Variants in DNHD1 observed in about 807,000 individuals in gnomAD.
DNHD1 encodes the protein dynein heavy chain domain 1.
Under a neutral mutation model 458.1 loss-of-function variants are expected in DNHD1, and 383 were observed. The ratio of observed to expected loss-of-function variants is 0.84; its 90% confidence interval spans 0.77 to 0.91. DNHD1 has a LOEUF of 0.91. DNHD1 is among the 40% of genes least tolerant of loss of function. DNHD1 has a pLI of 0.00. For synonymous variants in DNHD1, 2,203 were observed against 2,376.9 expected, an observed-to-expected ratio of 0.93 and a Z score of 2.13; for missense variants, 5,336 against 5,866.1, an observed-to-expected ratio of 0.91 and a Z score of 2.95.
intron 17 of DNHD1, among the ~76,000 whole-genome samples, 160 bp downstream of exon 17, chr11:6,539,473 G>A (rs1853043501): frequency 6.6e-6 from 1 of 152,206 alleles, no homozygotes; most frequent in Non-Finnish European, 1.5e-5. Context: ...TCCAGATGGG[G>A]ATCTCTTGTG....
In DNHD1 at chr11:6,571,728, A is replaced by T; in HGVS notation, c.14004A>T (p.Gly4668=). The part of the protein sequence containing the change: ...VLHAEWDPIA[G]ALQDSPSSQP... ...ATGCGGAGTGGGACCCAATAGCTGGAGCCTTGCAGGACAGTCCTTCCAGCC... is the reference window on the plus strand; with the variant it reads ...ATGCGGAGTGGGACCCAATAGCTGGTGCCTTGCAGGACAGTCCTTCCAGCC... The change falls in exon 43 of 43, where the codon GGA becomes GGT. Residue 4668 remains glycine, a synonymous_variant. Transcript: ENST00000254579. This position sits in a 1 kb window ranked among gnomAD's most constrained non-coding sequence, Gnocchi z 5.0. 2 of 1,612,822 alleles carry T rather than the reference A, an allele frequency of 1.2e-6. No homozygotes were observed. Among genetic ancestry groups the T allele is most frequent in the Non-Finnish European group, 1.7e-6 (2 of 1,179,406 alleles).
rs781759442 is a variant in DNHD1 at position 6,568,796 on chromosome 11, C to T, written c.12793C>T (p.Leu4265Phe). The T allele has an allele frequency of 3.7e-6, 6 of 1,613,430 alleles. No homozygotes were observed. In the African/African-American group the frequency reaches 6.7e-5, roughly 18 times the overall value. ...MQPPTQALPL[L>F]LLHGLLLHRQ... Reference sequence around the variant, plus strand: ...ACCCCCCACCCAGGCACTACCTCTGCTCCTCCTCCATGGCCTCCTGCTACA... The same window carrying T: ...ACCCCCCACCCAGGCACTACCTCTGTTCCTCCTCCATGGCCTCCTGCTACA... The change falls in exon 39 of 43, where the codon CTC becomes TTC. Residue 4265 changes from leucine to phenylalanine, a missense_variant. Physicochemically the swap from Leu to Phe is conservative, Grantham distance 22 (BLOSUM62 0). This residue lies in a region of DNHD1 where 698 missense variants were observed against 664.9 expected (regional missense o/e 1.05). Coordinates refer to ENST00000254579, the MANE Select transcript of DNHD1 (RefSeq NM_144666.3).
chr11:6,511,465 C>T (rs1372178617), intron 7 of DNHD1, 36 bp downstream of exon 7: 1 of 1,604,690 alleles, frequency 6.2e-7, no homozygotes, highest in Non-Finnish European at 8.5e-7. Context: ...ACCTCTTCCC[C>T]AAGTTGAGCT....
At chr11:6,536,693 G>T (rs1852958564) in intron 14 of DNHD1, among the ~76,000 whole-genome samples, 1 of 152,138 alleles carries the variant, frequency 6.6e-6, no homozygotes. Flanking sequence ...GTTTTAAAAT[G>T]CATGGAAATT....
Position 6,567,778 on chromosome 11 carries a change from T to A in DNHD1, c.12269T>A (p.Ile4090Asn). 6.2e-7 allele frequency: 1 copy of A among 1,613,954 alleles called. No individual in the cohort carries two copies. Among genetic ancestry groups the A allele is most frequent in the Non-Finnish European group, 8.5e-7 (1 of 1,179,892 alleles). Reference sequence around the variant, plus strand: ...AGTCAGGCTACTCAGCCCATGCTGATCTTGTTGCCACCGCCTGGCCACCCC... The same window carrying A: ...AGTCAGGCTACTCAGCCCATGCTGAACTTGTTGCCACCGCCTGGCCACCCC... ...KHSQATQPML[I>N]LLPPPGHPSA... The change falls in exon 36 of 43, where the codon ATC becomes AAC. Residue 4090 changes from isoleucine (I) to asparagine (N), a missense_variant. By Grantham distance (149) the Ile-to-Asn change is moderately radical. Coordinates refer to ENST00000254579, the MANE Select transcript of DNHD1 (RefSeq NM_144666.3).
chr11:6,570,033 T>C lies in DNHD1; in HGVS notation c.12888T>C (p.Val4296=). The change falls in exon 40 of 43, where the codon GTT becomes GTC. Residue 4296 remains valine, a synonymous_variant. Coordinates refer to ENST00000254579, the MANE Select transcript of DNHD1 (RefSeq NM_144666.3). The stretch of plus-strand genomic sequence containing the variant: ...GGAGTCAAGTGACTCTAACCCAGGT[T>C]CTTCAGACCCAAGACCAGCTGTGGG... The part of the protein sequence containing the change: ...GRWSQVTLTQ[V]LQTQDQLWAS... 1 of 1,613,892 alleles carries C rather than the reference T, an allele frequency of 6.2e-7. No individual in the cohort carries two copies. Among genetic ancestry groups the C allele is most frequent in the Non-Finnish European group, 8.5e-7 (1 of 1,179,834 alleles).
rs770319879 is a variant in DNHD1 at position 6,571,248 on chromosome 11, G to A, written c.13736G>A (p.Arg4579His). ...GADASSDVPE[R>H]VFHLSAFRHP... ...GACGCGAGCAGTGATGTACCAGAGC[G>A]CGTCTTCCACCTGTCAGCCTTTCGC... The change falls in exon 42 of 43, where the codon CGC (arginine) becomes CAC (histidine). Residue 4579 changes from arginine (R) to histidine (H), a missense_variant. Around this residue, in one of 4 missense-constraint regions of DNHD1, gnomAD observed 698 missense variants for 664.9 expected, o/e 1.05. Transcript: ENST00000254579. This position sits in a 1 kb window ranked among gnomAD's most constrained non-coding sequence, Gnocchi z 5.0. 3 of 1,612,426 alleles carry A rather than the reference G, an allele frequency of 1.9e-6. No individual in the cohort carries two copies. The African/African-American group carries it at 4.0e-5, about 22-fold the overall frequency.
At chr11:6,555,767 C>T (rs1034759450) in intron 24 of DNHD1, among the ~76,000 whole-genome samples, 7 of 152,030 alleles carry the variant, frequency 4.6e-5, no homozygotes, top group South Asian at 4.1e-4. Flanking sequence ...GATGGAAATC[C>T]GATCAAATAA....
chr11:6,564,610 AC>A lies in DNHD1; in HGVS notation c.10564del (p.Gln3522SerfsTer6), dbSNP rs1349271614. ...TTGCTGAGCTCTGAATCGGAGCAGT[AC>A]CAGTGGGATGGAAACCTGAAGCCAC... is the stretch of plus-strand genomic sequence containing the variant. Reference protein sequence around the residue: ...LSLLSSESEQYQWDGNLKPQA... With the variant: ...LSLLSSESEQXQWDGNLKPQA... On this transcript the variant is annotated frameshift_variant, in exon 32 of 43. Coordinates refer to ENST00000254579, the MANE Select transcript of DNHD1 (RefSeq NM_144666.3). LOFTEE classifies it high-confidence loss of function. 6.4e-6 allele frequency: 10 copies of A among 1,551,590 alleles called. No individual in the cohort carries two copies. Among genetic ancestry groups the A allele is most frequent in the Non-Finnish European group, 8.7e-6 (10 of 1,147,004 alleles).
intron 10 of DNHD1, among the ~76,000 whole-genome samples, chr11:6,521,327 T>C (rs1182945378): frequency 6.6e-6 from 1 of 152,252 alleles, no homozygotes; most frequent in African/African-American, 2.4e-5. Context: ...TTATATGTGG[T>C]ACTAATTCAT....
intron 24 of DNHD1, among the ~76,000 whole-genome samples, chr11:6,554,500 A>T (rs1287139023): frequency 6.6e-6 from 1 of 152,244 alleles, no homozygotes; most frequent in Non-Finnish European, 1.5e-5. Flanking sequence ...AATGAAAAAA[A>T]TAAGCTATTG....
intron 14 of DNHD1, among the ~76,000 whole-genome samples, chr11:6,536,437 GTATT>G (rs1254970473): frequency 1.3e-5 from 2 of 152,276 alleles, no homozygotes; most frequent in East Asian, 1.9e-4. Context: ...GCATACTTGA[GTATT>G]TATGTAACTT....
chr11:6,561,159 G>T (rs772576594), intron 28 of DNHD1, among the ~76,000 whole-genome samples: 17 of 152,230 alleles, frequency 1.1e-4, no homozygotes, highest in South Asian at 2.1e-4. Context: ...GGTTAGGCCA[G>T]GCACAGTGGC....
At chr11:6,542,372 C>G (rs951906514) in intron 18 of DNHD1, among the ~76,000 whole-genome samples, 1 of 152,232 alleles carries the variant, frequency 6.6e-6, no homozygotes, top group Non-Finnish European at 1.5e-5. Flanking sequence ...AAAGTAAAGG[C>G]TCTGGATAAT....
intron 32 of DNHD1, 58 bp downstream of exon 32, chr11:6,564,862 C>T: frequency 1.5e-6 from 2 of 1,348,404 alleles, no homozygotes; most frequent in Non-Finnish European, 2.0e-6. Flanking sequence ...CAACACTCAG[C>T]CTCATGTGGT....
rs765364182 is a variant in DNHD1, at chr11:6,548,855, A to G, written c.7309A>G (p.Ser2437Gly). 8 of 1,551,584 alleles carry G rather than the reference A, an allele frequency of 5.2e-6. No individual in the cohort carries two copies. In the South Asian group the frequency reaches 9.5e-5, roughly 18 times the overall value. The part of the protein sequence containing the change: ...SRGIQGQTQA[S>G]PQPGHHQDSK... Reference sequence around the variant, plus strand: ...AGGAATCCAGGGCCAAACACAAGCCAGCCCACAGCCTGGGCATCACCAGGA... The same window carrying G: ...AGGAATCCAGGGCCAAACACAAGCCGGCCCACAGCCTGGGCATCACCAGGA... Residue 2437 changes from serine to glycine, a missense_variant, in exon 24 of 43, where the codon AGC (serine) becomes GGC (glycine). By Grantham distance (56) the Ser-to-Gly change is moderately conservative. Around this residue, in one of 4 missense-constraint regions of DNHD1, gnomAD observed 3,932 missense variants for 4,365.6 expected, o/e 0.90. Coordinates refer to ENST00000254579, the MANE Select transcript of DNHD1 (RefSeq NM_144666.3). This position sits in a 1 kb window ranked among gnomAD's most constrained non-coding sequence, Gnocchi z 4.4.
intron 7 of DNHD1, 44 bp from the exon 8 acceptor site, chr11:6,519,556 C>T: frequency 6.2e-7 from 1 of 1,606,796 alleles, no homozygotes. Context: ...GGCTGGTTTG[C>T]TCTCCATCCC....
At chr11:6,502,073 C>G (rs1437099986) in intron 3 of DNHD1, among the ~76,000 whole-genome samples, 2 of 152,070 alleles carry the variant, frequency 1.3e-5, no homozygotes, top group Non-Finnish European at 2.9e-5. Flanking sequence ...GCTCTCAGGT[C>G]TCCCCAACTA....
intron 10 of DNHD1, among the ~76,000 whole-genome samples, chr11:6,524,533 G>A (rs1045941704): frequency 1.3e-5 from 2 of 152,114 alleles, no homozygotes; most frequent in Non-Finnish European, 2.9e-5. Flanking sequence ...TTTCCTGTCC[G>A]TGAGACTGAT....
Sources: gnomAD v4.1 joint callset for allele counts (sites outside exome capture counted in the v4.1 genomes callset) on GRCh38, gnomAD v4.1.1 for gene constraint, gnomAD v4.1.1 regional missense constraint, Gnocchi (gnomAD v3.1) non-coding constraint, MANE v1.5 for transcripts, NCBI Gene and HGNC (gene_info 2026-07-23, HGNC 2026-07-21) for gene names.